The following GPHN variants were observed in gnomAD, a reference collection of about 807,000 sequenced individuals.
The protein encoded by GPHN is gephyrin.
A neutral mutation model predicts 95.5 loss-of-function variants in GPHN; 17 were observed. The ratio of observed to expected loss-of-function variants is 0.18; its 90% CI spans 0.12 to 0.27. The LOEUF (loss-of-function observed/expected upper bound fraction) is 0.27, where lower values mean the gene tolerates loss of function less well. Ranked by LOEUF, GPHN falls within the 10% of genes least tolerant of loss-of-function variation. The pLI is 1.00. For missense variants in GPHN, 660 were observed against 978.1 expected, an observed-to-expected ratio of 0.67 and a Z score of 4.34; for synonymous variants, 320 against 322.5, an observed-to-expected ratio of 0.99 and a Z score of 0.08.
intron 9 of GPHN, among the ~76,000 whole-genome samples, chr14:66,997,468 C>A (rs1202958633): frequency 1.3e-5 from 2 of 151,732 alleles, no homozygotes; most frequent in African/African-American, 4.8e-5. Context: ...TTTGTATAGG[C>A]CACTGTAGCT....
At chr14:66,912,097 G>A (rs72730407) in intron 5 of GPHN, among the ~76,000 whole-genome samples, 3,683 of 152,140 alleles carry the variant, frequency 0.024, 69 homozygotes, top group Non-Finnish European at 0.036. Context: ...ACTCTCCACT[G>A]TAGATAAAGA....
intron 3 of GPHN, among the ~76,000 whole-genome samples, chr14:66,778,557 T>C (rs2059478197): frequency 6.6e-6 from 1 of 152,084 alleles, no homozygotes; most frequent in Admixed American, 6.6e-5. Context: ...TAATGAAGAA[T>C]AAACAATACT....
chr14:67,469,055 T>C, the GPHN span, among the ~76,000 whole-genome samples: 44 of 152,366 alleles, frequency 2.9e-4, no homozygotes, highest in African/African-American at 1.0e-3. Context: ...CTGAGAGAAC[T>C]ACCTTGTATA....
intron 1 of GPHN, among the ~76,000 whole-genome samples, chr14:66,666,621 G>T (rs1387337246): frequency 1.3e-5 from 2 of 152,104 alleles, no homozygotes; most frequent in East Asian, 1.9e-4. Flanking sequence ...AGATACTGAA[G>T]AAATGAATAT....
At chr14:67,106,212 G>T (rs2078032316) in intron 13 of GPHN, among the ~76,000 whole-genome samples, 1 of 152,120 alleles carries the variant, frequency 6.6e-6, no homozygotes, top group Non-Finnish European at 1.5e-5. Flanking sequence ...GCACTTTGAA[G>T]ATGTTATCTC....
At chr14:66,971,070 T>A (rs1199780863) in intron 9 of GPHN, among the ~76,000 whole-genome samples, 2 of 152,236 alleles carry the variant, frequency 1.3e-5, no homozygotes, top group African/African-American at 4.8e-5. Flanking sequence ...GCATGGTGGC[T>A]GTAATCCCAT....
At chr14:66,685,630 G>T (rs1040999524) in intron 2 of GPHN, among the ~76,000 whole-genome samples, 3 of 152,014 alleles carry the variant, frequency 2.0e-5, no homozygotes, top group African/African-American at 7.3e-5. Flanking sequence ...TGAGTGCTTT[G>T]TAGATTCTGG....
chr14:67,289,491 G>A, the GPHN span, among the ~76,000 whole-genome samples: 1 of 151,976 alleles, frequency 6.6e-6, no homozygotes, highest in Non-Finnish European at 1.5e-5. Flanking sequence ...GGAGGTCTTG[G>A]AACCAATCTC....
intron 10 of GPHN, 59 bp from the exon 11 acceptor site, chr14:67,058,590 T>A: frequency 6.9e-7 from 1 of 1,450,142 alleles, no homozygotes; most frequent in South Asian, 1.1e-5. Context: ...TATAAGTCAT[T>A]GCCACTTTTT....
chr14:66,807,321 A>G (rs1036250685), intron 3 of GPHN, among the ~76,000 whole-genome samples: 2 of 152,230 alleles, frequency 1.3e-5, no homozygotes, highest in Non-Finnish European at 2.9e-5. Flanking sequence ...GCCAAACCAT[A>G]TCATCCTCAT....
chr14:66,518,537 A>G (rs1284396588), intron 1 of GPHN, among the ~76,000 whole-genome samples: 1 of 152,154 alleles, frequency 6.6e-6, no homozygotes, highest in Non-Finnish European at 1.5e-5. Context: ...CACGTGTACC[A>G]TATTTACTGC....
At chr14:66,561,453 T>C (rs2060238665) in intron 1 of GPHN, among the ~76,000 whole-genome samples, 1 of 152,120 alleles carries the variant, frequency 6.6e-6, no homozygotes, top group Non-Finnish European at 1.5e-5. Flanking sequence ...TGTCGAATCC[T>C]GAGGTTTCTT....
chr14:67,295,101 TGAA>T, the GPHN span: 2 of 131,144 alleles, frequency 1.5e-5, no homozygotes, highest in African/African-American at 3.6e-5. Context: ...TTTGAGATAT[TGAA>T]GTGTGTGTGT....
chr14:66,634,068 G>A (rs1295630528), intron 1 of GPHN, among the ~76,000 whole-genome samples: 1 of 151,302 alleles, frequency 6.6e-6, no homozygotes, highest in Non-Finnish European at 1.5e-5. Context: ...AGTTTCCTTA[G>A]GATCATTATT....
At chr14:67,424,210 A>C in the GPHN span, among the ~76,000 whole-genome samples, 7 of 152,184 alleles carry the variant, frequency 4.6e-5, no homozygotes, top group Non-Finnish European at 1.0e-4. Flanking sequence ...ATTGCACTCC[A>C]GCCTGGGCAA....
At chr14:67,692,997 C>T in the GPHN span, 1 of 1,614,054 alleles carries the variant, frequency 6.2e-7, no homozygotes, top group African/African-American at 1.3e-5. Flanking sequence ...GTGACCACAA[C>T]TACTTTCCCA....
chr14:67,719,767 A>G, the GPHN span, among the ~76,000 whole-genome samples: 6 of 152,196 alleles, frequency 3.9e-5, no homozygotes, highest in Non-Finnish European at 8.8e-5. Flanking sequence ...TGTAAGCCAC[A>G]GTGCCCAACC....
At chr14:67,119,155 GATCTT>G (rs781379030) in intron 16 of GPHN, among the ~76,000 whole-genome samples, 3 of 152,182 alleles carry the variant, frequency 2.0e-5, no homozygotes, top group African/African-American at 7.2e-5. Context: ...AGTTGTCCAT[GATCTT>G]ATCTTAAAGT....
intron 3 of GPHN, among the ~76,000 whole-genome samples, chr14:66,816,586 A>G (rs747187899): frequency 2.0e-5 from 3 of 152,320 alleles, no homozygotes; most frequent in East Asian, 1.9e-4. Flanking sequence ...GCAAAAATCA[A>G]TAAGTTCTTT....
Sources: gnomAD v4.1 joint callset for allele counts (sites outside exome capture counted in the v4.1 genomes callset) on GRCh38, gnomAD v4.1.1 for gene constraint, MANE v1.5 for transcripts, NCBI Gene and HGNC (gene_info 2026-07-23, HGNC 2026-07-21) for gene names.